The following ATRNL1 variants were observed in gnomAD, a reference collection of about 807,000 sequenced individuals.
ATRNL1 encodes the protein attractin-like protein 1.
ATRNL1 carries 95 observed loss-of-function variants against 182.7 expected under a neutral mutation model. That is an observed-to-expected ratio of 0.52 (90% CI 0.44 to 0.62). The LOEUF (loss-of-function observed/expected upper bound fraction) is 0.62. ATRNL1 is among the 20% of genes least tolerant of loss of function. The pLI is 0.00. For missense variants in ATRNL1, 1,471 were observed against 1,679.5 expected, an observed-to-expected ratio of 0.88 and a Z score of 2.17; for synonymous variants, 576 against 568.3, an observed-to-expected ratio of 1.01 and a Z score of -0.19.
At chr10:115,180,160 T>TA (rs1847694310) in intron 8 of ATRNL1, among the ~76,000 whole-genome samples, 5 of 152,024 alleles carry the variant, frequency 3.3e-5, no homozygotes, top group Admixed American at 3.3e-4. Flanking sequence ...GTTTTCTCTT[T>TA]AAAATCATGT....
At chr10:115,621,277 A>ATATATATATATATATAGAGAGAGT (rs1857744589) in intron 26 of ATRNL1, among the ~76,000 whole-genome samples, 1 of 17,934 alleles carries the variant, frequency 5.6e-5, no homozygotes, top group African/African-American at 1.1e-4. Context: ...ATATATATAT[A>ATATATATATATATATAGAGAGAGT]GAGAGAGAGA....
chr10:115,720,116 G>T (rs1323832643), intron 26 of ATRNL1, among the ~76,000 whole-genome samples: 1 of 152,034 alleles, frequency 6.6e-6, no homozygotes, highest in Non-Finnish European at 1.5e-5. Context: ...GCCCGCCTTG[G>T]CCTCCCAAAG....
chr10:115,690,928 C>T (rs1402228402), intron 26 of ATRNL1, among the ~76,000 whole-genome samples: 1 of 152,138 alleles, frequency 6.6e-6, no homozygotes, highest in Admixed American at 6.5e-5. Flanking sequence ...ATGTGGACTG[C>T]TGAATTACGC....
At chr10:115,852,252 C>T (rs2420126) in intron 28 of ATRNL1, among the ~76,000 whole-genome samples, 109,379 of 152,044 alleles carry the variant, frequency 0.72, 39,536 homozygotes, top group Admixed American at 0.8. Context: ...AGAATACTGC[C>T]AGAAAGTCTA....
chr10:115,323,965 G>A (rs1044939600), intron 18 of ATRNL1, among the ~76,000 whole-genome samples: 4 of 150,684 alleles, frequency 2.7e-5, no homozygotes, highest in African/African-American at 9.8e-5. Context: ...TTTTAGTAGC[G>A]ATGGGGTTTC....
At chr10:115,364,641 A>G (rs1203929610) in intron 19 of ATRNL1, among the ~76,000 whole-genome samples, 2 of 150,878 alleles carry the variant, frequency 1.3e-5, no homozygotes, top group African/African-American at 4.9e-5. Context: ...ATTCAGTATG[A>G]TATTGGCTGT....
chr10:115,464,049 A>G (rs1456051498), intron 22 of ATRNL1, among the ~76,000 whole-genome samples: 2 of 151,980 alleles, frequency 1.3e-5, no homozygotes, highest in Admixed American at 1.3e-4. Flanking sequence ...AATTTCCAGC[A>G]ATCCCAAGTG....
intron 19 of ATRNL1, among the ~76,000 whole-genome samples, chr10:115,349,325 T>G (rs1856121969): frequency 6.6e-6 from 1 of 152,238 alleles, no homozygotes; most frequent in Non-Finnish European, 1.5e-5. Context: ...GTTCCATTTG[T>G]GTATATATAC....
chr10:115,724,569 G>A (rs1413941765), intron 26 of ATRNL1, among the ~76,000 whole-genome samples: 2 of 152,160 alleles, frequency 1.3e-5, no homozygotes, highest in Non-Finnish European at 2.9e-5. Context: ...CCATTTTATG[G>A]AGAGAAAGAA....
chr10:115,635,313 A>G (rs541808976), intron 26 of ATRNL1, among the ~76,000 whole-genome samples: 13 of 151,478 alleles, frequency 8.6e-5, no homozygotes, highest in Admixed American at 2.6e-4. Context: ...GAGTGGGAAA[A>G]GTGGTAAAAA....
chr10:115,370,227 A>C (rs537980927), intron 19 of ATRNL1, among the ~76,000 whole-genome samples: 1 of 152,312 alleles, frequency 6.6e-6, no homozygotes, highest in Non-Finnish European at 1.5e-5. Flanking sequence ...GTATGTCTTT[A>C]TCGGCTGTGT....
At chr10:115,119,697 A>G (rs1844643647) in intron 1 of ATRNL1, among the ~76,000 whole-genome samples, 1 of 152,236 alleles carries the variant, frequency 6.6e-6, no homozygotes, top group African/African-American at 2.4e-5. Flanking sequence ...AAATATATTT[A>G]TAGCAGAACT....
At chr10:115,228,464 T>G (rs1849787424) in intron 9 of ATRNL1, among the ~76,000 whole-genome samples, 1 of 152,198 alleles carries the variant, frequency 6.6e-6, no homozygotes, top group Non-Finnish European at 1.5e-5. Context: ...AAATGAGGCA[T>G]CTCATAACTT....
chr10:115,343,571 T>C (rs1855843995), intron 19 of ATRNL1, among the ~76,000 whole-genome samples: 1 of 152,184 alleles, frequency 6.6e-6, no homozygotes, highest in South Asian at 2.1e-4. Flanking sequence ...TGAACACAGG[T>C]ATTTTAAATT....
intron 28 of ATRNL1, among the ~76,000 whole-genome samples, chr10:115,879,519 G>A (rs182844654): frequency 6.6e-6 from 1 of 152,232 alleles, no homozygotes; most frequent in East Asian, 1.9e-4. Context: ...CAAAAGATGG[G>A]TGTAGACTCA....
At chr10:115,655,421 G>C (rs1162566617) in intron 26 of ATRNL1, among the ~76,000 whole-genome samples, 1 of 152,094 alleles carries the variant, frequency 6.6e-6, no homozygotes, top group Non-Finnish European at 1.5e-5. Flanking sequence ...TAAGTATTAA[G>C]GTTATTTTTT....
intron 5 of ATRNL1, among the ~76,000 whole-genome samples, chr10:115,154,456 A>T (rs1264255185): frequency 6.6e-6 from 1 of 152,080 alleles, no homozygotes. Flanking sequence ...TCCCTTTACC[A>T]TTATGTAATG....
chr10:115,924,507 GC>G (rs1180126731), intron 28 of ATRNL1, among the ~76,000 whole-genome samples: 1 of 152,012 alleles, frequency 6.6e-6, no homozygotes, highest in Non-Finnish European at 1.5e-5. Flanking sequence ...GAATAGGAGA[GC>G]CTTTCCCCAT....
At chr10:115,371,180 G>C (rs1182328592) in intron 19 of ATRNL1, among the ~76,000 whole-genome samples, 1 of 152,194 alleles carries the variant, frequency 6.6e-6, no homozygotes, top group Non-Finnish European at 1.5e-5. Context: ...GTTCACTTCA[G>C]GGGTGGGGCA....
Sources: allele counts gnomAD v4.1 joint callset (sites outside exome capture counted in the v4.1 genomes callset), GRCh38; gene constraint gnomAD v4.1.1; transcripts MANE v1.5; gene names NCBI Gene and HGNC (gene_info 2026-07-23, HGNC 2026-07-21).